Variants in RABGAP1L observed in about 807,000 individuals in gnomAD.
The protein encoded by RABGAP1L is rab GTPase-activating protein 1-like.
In RABGAP1L, 63 loss-of-function variants were observed where a neutral mutation model predicts 137.7. The ratio of observed to expected loss-of-function variants is 0.46; its 90% confidence interval spans 0.37 to 0.56. The LOEUF is 0.56. Ranked by LOEUF, RABGAP1L falls within the 20% of genes least tolerant of loss-of-function variation. RABGAP1L has a pLI of 0.00. For synonymous variants in RABGAP1L, 431 were observed against 433.7 expected (o/e 0.99, Z 0.08); for missense variants, 1,095 against 1,244.0 (o/e 0.88, Z 1.80).
intron 13 of RABGAP1L, among the ~76,000 whole-genome samples, chr1:174,519,926 A>T (rs1179304864): frequency 6.6e-6 from 1 of 152,196 alleles, no homozygotes; most frequent in Non-Finnish European, 1.5e-5. Context: ...TCAAAACAGC[A>T]GTTAATTATA....
chr1:174,368,732 T>C (rs1271439220), intron 11 of RABGAP1L, among the ~76,000 whole-genome samples: 1 of 152,188 alleles, frequency 6.6e-6, no homozygotes, highest in Non-Finnish European at 1.5e-5. Context: ...TTAAAAAATA[T>C]ACATACTCTA....
chr1:174,287,050 T>A (rs1676122908), intron 10 of RABGAP1L, among the ~76,000 whole-genome samples: 1 of 152,150 alleles, frequency 6.6e-6, no homozygotes, highest in African/African-American at 2.4e-5. Flanking sequence ...TAGGTCCATT[T>A]TTTCTATAGT....
In RABGAP1L at chr1:174,448,702, G is replaced by T; in HGVS notation, c.1710+54557G>T. On this transcript the variant is annotated intron_variant, in intron 13 of 25. Transcript: ENST00000681986. This position sits in a 1 kb window ranked among gnomAD's most constrained non-coding sequence, Gnocchi z 4.2. ...TTTTTGAATGGTGTGCCACGTCTTG[G>T]CTCACCAGTGCCTATTTTACTGGCT... is the stretch of plus-strand genomic sequence containing the variant. 2 of 1,613,942 alleles carry T rather than the reference G, an allele frequency of 1.2e-6. No individual in the cohort carries two copies. Among genetic ancestry groups the T allele is most frequent in the Admixed American group, 3.3e-5 (2 of 59,998 alleles).
intron 19 of RABGAP1L, among the ~76,000 whole-genome samples, chr1:174,827,992 A>G (rs533759172): frequency 2.0e-5 from 3 of 148,584 alleles, no homozygotes; most frequent in African/African-American, 7.4e-5. Context: ...TTTAAGCAAC[A>G]ACATATGTTG....
At chr1:174,621,962 A>AG (rs1467222768) in intron 13 of RABGAP1L, among the ~76,000 whole-genome samples, 1 of 152,182 alleles carries the variant, frequency 6.6e-6, no homozygotes, top group Non-Finnish European at 1.5e-5. Context: ...CATCTGACAA[A>AG]GGGCTAATAT....
rs1159526980 is a variant in RABGAP1L, at chr1:174,784,210, G to A, written c.2212-27622G>A. On this transcript the variant is annotated intron_variant, in intron 18 of 25. Transcript: ENST00000681986. ...AATTTTTTGTATTTTTAGTAGTGACGGAGTTTCACCGTGTTAGCCAGGATG... is the reference window on the plus strand; with the variant it reads ...AATTTTTTGTATTTTTAGTAGTGACAGAGTTTCACCGTGTTAGCCAGGATG... Among the ~76,000 whole-genome samples the A allele has an allele frequency of 5.9e-5, 9 of 151,528 alleles. No homozygotes were observed. In the South Asian group the frequency reaches 1.5e-3, roughly 25 times the overall value.
At chr1:174,722,181 C>T (rs1329342085) in intron 17 of RABGAP1L, among the ~76,000 whole-genome samples, 1 of 152,156 alleles carries the variant, frequency 6.6e-6, no homozygotes. Context: ...CCACCCGCCC[C>T]ACCCACAAAG....
intron 13 of RABGAP1L, among the ~76,000 whole-genome samples, chr1:174,465,666 A>G (rs1285113723): frequency 6.6e-6 from 1 of 152,208 alleles, no homozygotes; most frequent in Non-Finnish European, 1.5e-5. Flanking sequence ...GATTATGATT[A>G]ATGCCATGAA....
At chr1:174,847,648 G>T (rs953217079) in intron 19 of RABGAP1L, among the ~76,000 whole-genome samples, 3 of 133,090 alleles carry the variant, frequency 2.3e-5, no homozygotes, top group Admixed American at 1.6e-4. Context: ...TTTCTCTCTG[G>T]CTGCCCTTAA....
chr1:174,937,619 A>AATATATAT lies in RABGAP1L; in HGVS notation c.2341-19829_2341-19822dup, dbSNP rs148901840. 2.1e-4 allele frequency among the ~76,000 whole-genome samples: 23 copies of AATATATAT among 109,662 alleles called. 2 individuals carry two copies. Among genetic ancestry groups the AATATATAT allele is most frequent in the African/African-American group, 7.0e-4 (14 of 19,926 alleles). 71.9% of individuals were successfully genotyped at this position (109,662 alleles called of 152,430 possible). A position where few individuals can be genotyped will look rare whatever the true frequency, so the allele number is the denominator to read the frequency against. ...ATTTTTAAATAGCAATACTTCATTAAATATATATATATATATCTTGCAGTT... is the reference window on the plus strand; with the variant it reads ...ATTTTTAAATAGCAATACTTCATTAAATATATATATATATATATATATATCTTGCAGTT... On this transcript the variant is annotated intron_variant, in intron 19 of 25. Transcript: ENST00000681986.
At chr1:174,887,994 G>A (rs1033230409) in intron 19 of RABGAP1L, among the ~76,000 whole-genome samples, 5 of 151,940 alleles carry the variant, frequency 3.3e-5, no homozygotes, top group South Asian at 2.1e-4. Flanking sequence ...CTGAGATCAC[G>A]CCACTGCACT....
intron 19 of RABGAP1L, among the ~76,000 whole-genome samples, chr1:174,816,943 A>G (rs1690490529): frequency 6.6e-6 from 1 of 152,006 alleles, no homozygotes; most frequent in East Asian, 1.9e-4. Flanking sequence ...GTTGGCCAGG[A>G]TAGTCTCGAT....
At chr1:174,840,056 G>A (rs1256742801) in intron 19 of RABGAP1L, among the ~76,000 whole-genome samples, 1 of 152,158 alleles carries the variant, frequency 6.6e-6, no homozygotes, top group East Asian at 1.9e-4. Context: ...ATATTAGATA[G>A]GCCATTCACA....
rs879059233 is a variant in RABGAP1L, at chr1:174,699,454, TGA to T, written c.1900-70_1900-69del. On this transcript the variant is annotated intron_variant, in intron 15 of 25. Coordinates refer to ENST00000681986, the MANE Select transcript of RABGAP1L (RefSeq NM_001366446.1). ...CTACTTATGCAGAGGACTAATAACA[TGA>T]AGGAACTTTTTTGACATTCTGGCAA... 6.7e-5 allele frequency: 98 copies of T among 1,457,068 alleles called. 1 individual carries two copies. The highest frequency in any genetic ancestry group is 5.5e-4 in the South Asian group (43 of 77,800). 90.3% of individuals were successfully genotyped at this position (1,457,068 alleles called of 1,614,324 possible).
At chr1:174,278,454 A>G (rs1675201459) in intron 9 of RABGAP1L, among the ~76,000 whole-genome samples, 159 bp from the exon 10 acceptor site, 1 of 152,216 alleles carries the variant, frequency 6.6e-6, no homozygotes, top group Non-Finnish European at 1.5e-5. Context: ...GAGTACTTGC[A>G]TACTTATTTA....
At chr1:174,408,351 A>C (rs565333032) in intron 13 of RABGAP1L, among the ~76,000 whole-genome samples, 23 of 152,274 alleles carry the variant, frequency 1.5e-4, no homozygotes, top group African/African-American at 5.3e-4. Context: ...TTTGGTTAGG[A>C]TAATGGCCTC....
At chr1:174,496,273 G>A (rs61826878) in intron 13 of RABGAP1L, among the ~76,000 whole-genome samples, 3,786 of 152,234 alleles carry the variant, frequency 0.025, 61 homozygotes, top group Non-Finnish European at 0.041. Context: ...AAGAAGAGCC[G>A]TAGGTCAGTG....
At chr1:174,864,007 G>T (rs1275608852) in intron 19 of RABGAP1L, among the ~76,000 whole-genome samples, 2 of 152,118 alleles carry the variant, frequency 1.3e-5, no homozygotes, top group Admixed American at 6.5e-5. Flanking sequence ...TAATTCACTG[G>T]ATACAGAATT....
chr1:174,497,094 G>GT (rs1572057107), intron 13 of RABGAP1L, among the ~76,000 whole-genome samples: 2 of 152,062 alleles, frequency 1.3e-5, no homozygotes, highest in East Asian at 3.8e-4. Flanking sequence ...ATACCCAAGG[G>GT]TAAATCATAT....
Sources: allele counts gnomAD v4.1 joint callset (sites outside exome capture counted in the v4.1 genomes callset), GRCh38; gene constraint gnomAD v4.1.1; non-coding constraint Gnocchi (gnomAD v3.1); transcripts MANE v1.5; gene names NCBI Gene and HGNC (gene_info 2026-07-23, HGNC 2026-07-21).